YIPF5: variants seen among roughly 807,000 people sequenced by gnomAD.
YIPF5 encodes Yip1 domain family member 5, also known as protein YIPF5.
YIPF5 carries 8 observed loss-of-function variants against 30.4 expected under a neutral mutation model. The ratio of observed to expected loss-of-function variants is 0.26; its 90% CI spans 0.15 to 0.47. YIPF5 has a LOEUF of 0.47. Among genes scored for constraint, YIPF5 ranks in the 20% least tolerant of loss-of-function variants. The pLI, the probability that YIPF5 is intolerant of heterozygous loss-of-function variation, is 0.99. For synonymous variants in YIPF5, 104 were observed against 107.9 expected, an observed-to-expected ratio of 0.96 and a Z score of 0.23; for missense variants, 282 against 301.8, an observed-to-expected ratio of 0.93 and a Z score of 0.49.
chr5:144,159,412 C>T lies in YIPF5; in HGVS notation c.*985G>A, dbSNP rs1394493360. 1.8e-5 allele frequency: 18 copies of T among 985,118 alleles called. No individual in the cohort carries two copies. Among genetic ancestry groups the T allele is most frequent in the Admixed American group, 1.2e-4 (2 of 16,264 alleles). The allele number at this position is 985,118 out of a possible 1,614,324, so 61.0% of individuals were successfully genotyped here. On this transcript the variant is annotated 3_prime_UTR_variant, in exon 6 of 6. Coordinates refer to ENST00000274496, the MANE Select transcript of YIPF5 (RefSeq NM_030799.9). ...ATTTTTGGGAAATGTGGCGATCCAACGATTATAGCATTAATGCAACCATTC... is the reference window on the plus strand; with the variant it reads ...ATTTTTGGGAAATGTGGCGATCCAATGATTATAGCATTAATGCAACCATTC...
rs755147973 is a variant in YIPF5 at position 144,160,381 on chromosome 5, C to T, written c.*16G>A. On this transcript the variant is annotated 3_prime_UTR_variant, in exon 6 of 6. Transcript: ENST00000274496. ...TGTACATCTGGCCCACTGATGTCCA[C>T]ATCCCAGATAAATTTTCAAAAGACG... The T allele has an allele frequency of 6.2e-7, 1 of 1,609,296 alleles. No individual in the cohort carries two copies. Among genetic ancestry groups the T allele is most frequent in the South Asian group, 1.1e-5 (1 of 90,480 alleles).
intron 1 of YIPF5, 126 bp downstream of exon 1, chr5:144,170,409 A>G: frequency 5.4e-6 from 1 of 186,652 alleles, no homozygotes; most frequent in Non-Finnish European, 1.1e-5. Context: ...CGTCAGGGCA[A>G]GGGCTTGAAT....
intron 4 of YIPF5, among the ~76,000 whole-genome samples, chr5:144,163,298 CAG>C (rs1561513745): frequency 6.6e-6 from 1 of 152,112 alleles, no homozygotes; most frequent in Non-Finnish European, 1.5e-5. Flanking sequence ...ATTAAAAATG[CAG>C]AAGTTTGAAA....
At position 144,164,366 on chromosome 5, in the gene YIPF5, T is replaced by C. The variant is rs149073089; in HGVS notation, c.284-110A>G. On this transcript the variant is annotated intron_variant, in intron 3 of 5. Coordinates refer to ENST00000274496, the MANE Select transcript of YIPF5 (RefSeq NM_030799.9). ...AATGACATAGCATCAAAAAAGGATC[T>C]AGCAATATTGGATGATATTATTATT... 6.1e-4 allele frequency: 556 copies of C among 918,930 alleles called. No individual in the cohort carries two copies. In the African/African-American group the frequency reaches 8.3e-3, roughly 14 times the overall value. The allele number at this position is 918,930 out of a possible 1,614,324, so 56.9% of individuals were successfully genotyped here.
At chr5:144,168,065 T>C (rs1752249152) in intron 2 of YIPF5, among the ~76,000 whole-genome samples, 1 of 152,184 alleles carries the variant, frequency 6.6e-6, no homozygotes. Context: ...CCCAAGTTTA[T>C]AGCAATAATG....
Position 144,159,160 on chromosome 5 carries a change from T to G in YIPF5, c.*1237A>C, listed in dbSNP as rs1397854955. 1 of 985,022 alleles carries G rather than the reference T, an allele frequency of 1.0e-6. No individual in the cohort carries two copies. The highest frequency in any genetic ancestry group is 1.2e-6 in the Non-Finnish European group (1 of 829,688). 61.0% of individuals were successfully genotyped at this position (985,022 alleles called of 1,614,324 possible). ...ATCCCCTTTTTGTCTGATTCTATAT[T>G]AGCTGATTTCTATTCTTAAAGCTTA... On this transcript the variant is annotated 3_prime_UTR_variant, in exon 6 of 6. Coordinates refer to ENST00000274496, the MANE Select transcript of YIPF5 (RefSeq NM_030799.9).
In YIPF5 at chr5:144,158,222, T is replaced by A. The variant is rs954683199; in HGVS notation, c.*2175A>T. On this transcript the variant is annotated 3_prime_UTR_variant, in exon 6 of 6. Coordinates refer to ENST00000274496, the MANE Select transcript of YIPF5 (RefSeq NM_030799.9). Reference sequence around the variant, plus strand: ...TATAAATATGCCTACATAACAGAGTTTGATAAGAGAAGTTTTGGCTATATA... The same window carrying A: ...TATAAATATGCCTACATAACAGAGTATGATAAGAGAAGTTTTGGCTATATA... 3.1e-6 allele frequency: 1 copy of A among 317,922 alleles called. No homozygotes were observed. 19.7% of individuals were successfully genotyped at this position (317,922 alleles called of 1,614,324 possible). A position where few individuals can be genotyped will look rare whatever the true frequency, so the allele number is the denominator to read the frequency against.
chr5:144,161,395 T>G (rs1347999364), intron 5 of YIPF5, among the ~76,000 whole-genome samples: 1 of 136,834 alleles, frequency 7.3e-6, no homozygotes, highest in Non-Finnish European at 1.5e-5. Context: ...CAGGCTGAAG[T>G]ATGCAACAGG....
At chr5:144,164,301 ATTT>A in intron 3 of YIPF5, 45 bp from the exon 4 acceptor site, 1 of 1,540,002 alleles carries the variant, frequency 6.5e-7, no homozygotes, top group Non-Finnish European at 8.8e-7. Context: ...TTTGTGATGT[ATTT>A]TTAATTCATC....
chr5:144,161,703 G>A (rs998587634), intron 5 of YIPF5, among the ~76,000 whole-genome samples: 2 of 152,084 alleles, frequency 1.3e-5, no homozygotes, highest in Non-Finnish European at 2.9e-5. Flanking sequence ...CATATTTAAA[G>A]CTGCTTACAA....
intron 4 of YIPF5, among the ~76,000 whole-genome samples, chr5:144,163,130 G>A (rs1190309721): frequency 6.6e-6 from 1 of 152,010 alleles, no homozygotes; most frequent in Non-Finnish European, 1.5e-5. Context: ...TTGTATTCAG[G>A]TCACACTATC....
intron 3 of YIPF5, among the ~76,000 whole-genome samples, chr5:144,164,510 G>C (rs76670447): frequency 6.6e-6 from 1 of 151,736 alleles, no homozygotes; most frequent in Non-Finnish European, 1.5e-5. Flanking sequence ...CCTCAGCCTC[G>C]TGAGTAGCTG....
At chr5:144,164,081 G>A in intron 4 of YIPF5, 30 bp downstream of exon 4, 1 of 1,600,612 alleles carries the variant, frequency 6.2e-7, no homozygotes, top group South Asian at 1.1e-5. Context: ...TTCTTTAATT[G>A]CACCCTGAAG....
Position 144,166,968 on chromosome 5 carries a change from A to G in YIPF5, c.111-1364T>C, listed in dbSNP as rs966548534. On this transcript the variant is annotated intron_variant, in intron 2 of 5. Transcript: ENST00000274496. ...TACTCAGGTACCAGCAGTTTTACCAATCAATACTTTTGCAACAGCACTGCA... is the reference window on the plus strand; with the variant it reads ...TACTCAGGTACCAGCAGTTTTACCAGTCAATACTTTTGCAACAGCACTGCA... Among the ~76,000 whole-genome samples, 4 of 152,176 alleles carry G rather than the reference A, an allele frequency of 2.6e-5. No individual in the cohort carries two copies. In the East Asian group the frequency reaches 5.8e-4, roughly 22 times the overall value.
chr5:144,159,864 G>A lies in YIPF5; in HGVS notation c.*533C>T, dbSNP rs1209087714. The A allele has an allele frequency of 3.7e-5, 21 of 561,090 alleles. No individual in the cohort carries two copies. Among genetic ancestry groups the A allele is most frequent in the Admixed American group, 2.0e-4 (3 of 14,734 alleles). The allele number at this position is 561,090 out of a possible 1,614,324, so 34.8% of individuals were successfully genotyped here. On this transcript the variant is annotated 3_prime_UTR_variant, in exon 6 of 6. Transcript: ENST00000274496. ...TGGGACTACAGGCGCCCGCCACCAC[G>A]CCCAGCTAATTTTTTTTGTAGTTTT... is the stretch of plus-strand genomic sequence containing the variant.
intron 5 of YIPF5, among the ~76,000 whole-genome samples, chr5:144,161,882 A>C (rs1031686088): frequency 1.3e-5 from 2 of 152,188 alleles, no homozygotes; most frequent in African/African-American, 2.4e-5. Context: ...AGAAAATATC[A>C]AAGAGGGTAA....
In YIPF5 at chr5:144,164,133, G is replaced by A. The variant is rs1228146031; in HGVS notation, c.407C>T (p.Ala136Val). The A allele has an allele frequency of 1.2e-6, 2 of 1,612,368 alleles. No homozygotes were observed. The highest frequency in any genetic ancestry group is 1.3e-5 in the African/African-American group (1 of 74,826). The change falls in exon 4 of 6, where the codon GCT (alanine) becomes GTT (valine). Residue 136 changes from alanine to valine, a missense_variant. Coordinates refer to ENST00000274496, the MANE Select transcript of YIPF5 (RefSeq NM_030799.9). Reference protein sequence around the residue: ...DLAGPMVFCLAFGATLLLAGK... With the variant: ...DLAGPMVFCLVFGATLLLAGK... ...TACCAGTAGCAATGTGGCTCCAAAA[G>A]CAAGGCAAAAAACCATTGGACCTGC...
At position 144,165,539 on chromosome 5, in the gene YIPF5, T is replaced by C. The variant is rs1752178230; in HGVS notation, c.176A>G (p.Gln59Arg). ...RFVPPDMMQP[Q>R]QPYTGQIYQP... ...GTAAATCTGCCCGGTGTATGGCTGT[T>C]GTGGCTGCATCATGTCTGGAGGGAC... The change falls in exon 3 of 6, where the codon CAA (glutamine) becomes CGA (arginine). Residue 59 changes from glutamine (Q) to arginine (R), a missense_variant. By Grantham distance (43) the Gln-to-Arg change is conservative. Transcript: ENST00000274496. 6 of 1,614,158 alleles carry C rather than the reference T, an allele frequency of 3.7e-6. No individual in the cohort carries two copies. The highest frequency in any genetic ancestry group is 5.1e-6 in the Non-Finnish European group (6 of 1,180,028).
chr5:144,168,663 C>A (rs989967886), intron 2 of YIPF5, among the ~76,000 whole-genome samples: 4 of 152,060 alleles, frequency 2.6e-5, no homozygotes, highest in African/African-American at 9.7e-5. Context: ...TCCCATTGTT[C>A]AAATGTGTTA....
Sources: gnomAD v4.1 joint callset for allele counts (sites outside exome capture counted in the v4.1 genomes callset) on GRCh38, gnomAD v4.1.1 for gene constraint, MANE v1.5 for transcripts, NCBI Gene and HGNC (gene_info 2026-07-23, HGNC 2026-07-21) for gene names.